The following PALLD variants were observed in gnomAD, a reference collection of about 807,000 sequenced individuals.
PALLD encodes palladin, cytoskeletal associated protein.
In PALLD, 61 loss-of-function variants were observed where a neutral mutation model predicts 123.5. That is an observed-to-expected ratio of 0.49 (90% CI 0.40 to 0.61). The LOEUF (loss-of-function observed/expected upper bound fraction) is 0.61, where lower values mean the gene tolerates loss of function less well. Among genes scored for constraint, PALLD ranks in the 20% least tolerant of loss-of-function variants. The pLI is 0.00. For missense variants in PALLD, 1,273 were observed against 1,377.0 expected (o/e 0.92, Z 1.20); for synonymous variants, 465 against 496.4 (o/e 0.94, Z 0.84).
intron 2 of PALLD, among the ~76,000 whole-genome samples, chr4:168,639,599 A>G (rs908615553): frequency 1.3e-5 from 2 of 148,856 alleles, no homozygotes; most frequent in Admixed American, 6.7e-5. Context: ...GCTGGAGTGC[A>G]GTGGTGTGAT....
chr4:168,510,187 A>G (rs1762404414), intron 1 of PALLD, among the ~76,000 whole-genome samples: 1 of 152,236 alleles, frequency 6.6e-6, no homozygotes, highest in African/African-American at 2.4e-5. Flanking sequence ...AATATATAGC[A>G]AAAGAATGGC....
At chr4:168,500,352 G>A (rs1761269626) in intron 1 of PALLD, among the ~76,000 whole-genome samples, 1 of 150,242 alleles carries the variant, frequency 6.7e-6, no homozygotes, top group African/African-American at 2.5e-5. Flanking sequence ...GCCAGGGGGT[G>A]GTCCCATAAG....
At chr4:168,855,787 A>C (rs538281476) in intron 10 of PALLD, among the ~76,000 whole-genome samples, 11 of 152,374 alleles carry the variant, frequency 7.2e-5, no homozygotes, top group Admixed American at 6.5e-4. Flanking sequence ...AACATTGCTC[A>C]AAATACTTCA....
chr4:168,766,130 G>T (rs1316912323), intron 10 of PALLD, among the ~76,000 whole-genome samples: 1 of 152,194 alleles, frequency 6.6e-6, no homozygotes, highest in Non-Finnish European at 1.5e-5. Context: ...TGCCAAATGT[G>T]AGGTGTGGGA....
At chr4:168,553,812 T>C (rs1219945933) in intron 2 of PALLD, among the ~76,000 whole-genome samples, 1 of 152,136 alleles carries the variant, frequency 6.6e-6, no homozygotes, top group Non-Finnish European at 1.5e-5. Context: ...TATGCATTTT[T>C]CCTCTTACTG....
chr4:168,666,825 T>C (rs1175498248), intron 2 of PALLD, among the ~76,000 whole-genome samples: 3 of 152,154 alleles, frequency 2.0e-5, no homozygotes, highest in African/African-American at 7.2e-5. Flanking sequence ...GGATCTGGAC[T>C]GTGGCTTTGG....
intron 2 of PALLD, among the ~76,000 whole-genome samples, chr4:168,641,385 C>T (rs1036006601): frequency 6.6e-6 from 1 of 151,948 alleles, no homozygotes; most frequent in Non-Finnish European, 1.5e-5. Context: ...TAGGCCAGAC[C>T]CTTTAAATAC....
At chr4:168,888,387 G>A (rs924710559) in intron 10 of PALLD, among the ~76,000 whole-genome samples, 70 of 152,158 alleles carry the variant, frequency 4.6e-4, no homozygotes, top group African/African-American at 1.6e-3. Context: ...TATGAAACAA[G>A]TCTGGGGTAG....
Position 168,683,085 on chromosome 4 carries a change from G to C in PALLD, c.1242G>C (p.Leu414=), listed in dbSNP as rs1781711452. 2 of 1,606,214 alleles carry C rather than the reference G, an allele frequency of 1.2e-6. No individual in the cohort carries two copies. The highest frequency in any genetic ancestry group is 1.3e-5 in the African/African-American group (1 of 74,788). Reference sequence around the variant, plus strand: ...TGACCACAGCTGTGATTCAACCACTGTCTGTCCCTGTGCAACAGGTAAGTA... The same window carrying C: ...TGACCACAGCTGTGATTCAACCACTCTCTGTCCCTGTGCAACAGGTAAGTA... ...TGVTTAVIQP[L]SVPVQQVHSP... Residue 414 remains leucine, a synonymous_variant, in exon 5 of 22, where the codon CTG becomes CTC. Transcript: ENST00000505667.
chr4:168,809,340 CT>C (rs760148503), intron 10 of PALLD, among the ~76,000 whole-genome samples: 8 of 61,466 alleles, frequency 1.3e-4, no homozygotes, highest in Admixed American at 5.4e-4. Flanking sequence ...TCTTCTTCTT[CT>C]TTTTTTTTTT....
chr4:168,777,315 A>G (rs2150530537), intron 10 of PALLD, among the ~76,000 whole-genome samples: 1 of 152,338 alleles, frequency 6.6e-6, no homozygotes, highest in Non-Finnish European at 1.5e-5. Flanking sequence ...GCTTGGAAGA[A>G]TGCTGTTAAT....
intron 10 of PALLD, chr4:168,878,025 C>A: frequency 6.7e-7 from 1 of 1,491,268 alleles, no homozygotes; most frequent in Non-Finnish European, 8.9e-7. Context: ...GCCTCCAGCC[C>A]CAGCTCGTCC....
At chr4:168,674,615 G>T (rs1431794815) in intron 3 of PALLD, among the ~76,000 whole-genome samples, 1 of 152,162 alleles carries the variant, frequency 6.6e-6, no homozygotes, top group Non-Finnish European at 1.5e-5. Flanking sequence ...ATCAGATGCG[G>T]GCCAGGAGAA....
At chr4:168,673,815 T>C (rs1186008328) in intron 3 of PALLD, among the ~76,000 whole-genome samples, 1 of 151,966 alleles carries the variant, frequency 6.6e-6, no homozygotes, top group East Asian at 1.9e-4. Flanking sequence ...ACGGTGCCAA[T>C]CTCTGAAATG....
intron 10 of PALLD, among the ~76,000 whole-genome samples, chr4:168,730,215 T>G (rs1331329026): frequency 1.3e-5 from 2 of 152,186 alleles, no homozygotes; most frequent in Non-Finnish European, 2.9e-5. Flanking sequence ...CTATTTTTAT[T>G]GTACTTTCTT....
chr4:168,672,584 G>A (rs550903456), intron 3 of PALLD, among the ~76,000 whole-genome samples: 5 of 151,746 alleles, frequency 3.3e-5, no homozygotes, highest in South Asian at 2.1e-4. Flanking sequence ...TCAGCCTCCC[G>A]AGTAGCTGGG....
intron 2 of PALLD, among the ~76,000 whole-genome samples, chr4:168,546,656 G>A: frequency 6.6e-6 from 1 of 152,116 alleles, no homozygotes; most frequent in Non-Finnish European, 1.5e-5. Flanking sequence ...AGTTGGTCCA[G>A]TATAACCCAG....
chr4:168,794,500 A>ACACACG (rs1554083971), intron 10 of PALLD, among the ~76,000 whole-genome samples: 3 of 126,546 alleles, frequency 2.4e-5, no homozygotes, highest in Non-Finnish European at 3.4e-5. Context: ...GCACGCACAC[A>ACACACG]CACACGCACA....
chr4:168,832,496 C>T (rs1361481973), intron 10 of PALLD, among the ~76,000 whole-genome samples: 1 of 152,194 alleles, frequency 6.6e-6, no homozygotes, highest in African/African-American at 2.4e-5. Flanking sequence ...CTGAACACCT[C>T]GCACCCCCAC....
Sources: allele counts gnomAD v4.1 joint callset (sites outside exome capture counted in the v4.1 genomes callset), GRCh38; gene constraint gnomAD v4.1.1; transcripts MANE v1.5; gene names NCBI Gene and HGNC (gene_info 2026-07-23, HGNC 2026-07-21).